The following RGS6 variants were observed in gnomAD, a reference collection of about 807,000 sequenced individuals.
RGS6 encodes the protein regulator of G-protein signaling 6.
In RGS6, 30 loss-of-function variants were observed where a neutral mutation model predicts 78.5. The observed-to-expected ratio is 0.38, with a 90% confidence interval of 0.29 to 0.52. RGS6 has a LOEUF of 0.52. RGS6 is among the 20% of genes least tolerant of loss of function. RGS6 has a pLI of 0.85. For missense variants in RGS6, 495 were observed against 609.7 expected (o/e 0.81, Z 1.98); for synonymous variants, 206 against 206.0 (o/e 1.00, Z 0.00).
In RGS6 at chr14:72,470,645, A is replaced by AGGG. The variant is rs112868757; in HGVS notation, c.536+564_536+565insGGG. Among the ~76,000 whole-genome samples the AGGG allele has an allele frequency of 2.6e-5, 4 of 151,762 alleles. No individual in the cohort carries two copies. The South Asian group carries it at 6.2e-4, about 24-fold the overall frequency. Reference sequence around the variant, plus strand: ...GTAATCCCAGCACTTTGTGAGACCGAGGTGGGGGTGGATCACCTGAGGTCA... The same window carrying AGGG: ...GTAATCCCAGCACTTTGTGAGACCGAGGGGGTGGGGGTGGATCACCTGAGGTCA... On this transcript the variant is annotated intron_variant, in intron 8 of 17. Transcript: ENST00000553525.
chr14:72,439,969 G>A (rs1287888459), intron 3 of RGS6, among the ~76,000 whole-genome samples: 1 of 152,156 alleles, frequency 6.6e-6, no homozygotes, highest in Non-Finnish European at 1.5e-5. Flanking sequence ...CTAGCCGCAG[G>A]CTGCTCCACA....
rs533806963 is a variant in RGS6 at position 72,236,797 on chromosome 14, G to A, written c.85-115298G>A. Among the ~76,000 whole-genome samples, 470 of 152,152 alleles carry A rather than the reference G, an allele frequency of 3.1e-3. 1 individual carries two copies. Among genetic ancestry groups the A allele is most frequent in the African/African-American group, 0.011 (452 of 41,520 alleles). ...GCACTCCTCACTTCCCAGATGGCAG[G>A]GGGCGCTGAGCAGAGGTGCTCCTAA... On this transcript the variant is annotated intron_variant, in intron 2 of 17. Transcript: ENST00000553525.
intron 3 of RGS6, among the ~76,000 whole-genome samples, chr14:72,405,661 C>G (rs554386533): frequency 6.6e-6 from 1 of 152,158 alleles, no homozygotes; most frequent in African/African-American, 2.4e-5. Flanking sequence ...GCCTGTAACC[C>G]ATGTGGCCTT....
chr14:72,178,003 A>G (rs1230229863), intron 2 of RGS6, among the ~76,000 whole-genome samples: 1 of 152,082 alleles, frequency 6.6e-6, no homozygotes, highest in Non-Finnish European at 1.5e-5. Context: ...TCCCTACCAG[A>G]CAACCTTCTC....
At chr14:72,130,567 G>C (rs2096293019) in intron 2 of RGS6, among the ~76,000 whole-genome samples, 1 of 152,160 alleles carries the variant, frequency 6.6e-6, no homozygotes, top group South Asian at 2.1e-4. Flanking sequence ...CTGTCACTCA[G>C]GAATTTCAAA....
At chr14:71,982,400 T>C (rs1254049879) in intron 2 of RGS6, among the ~76,000 whole-genome samples, 1 of 152,222 alleles carries the variant, frequency 6.6e-6, no homozygotes, top group Non-Finnish European at 1.5e-5. Flanking sequence ...GTTACGTTAC[T>C]TCTGAGAGAA....
At chr14:71,904,954 G>T in the RGS6 span, among the ~76,000 whole-genome samples, 2 of 151,534 alleles carry the variant, frequency 1.3e-5, no homozygotes, top group African/African-American at 4.9e-5. Flanking sequence ...AGGCAACTTT[G>T]AAATCACATG....
chr14:72,029,203 C>A (rs1596316517), intron 2 of RGS6, among the ~76,000 whole-genome samples: 2 of 152,206 alleles, frequency 1.3e-5, no homozygotes, highest in Non-Finnish European at 2.9e-5. Context: ...ATGTTGGAGC[C>A]CCGTAGTATA....
intron 2 of RGS6, among the ~76,000 whole-genome samples, chr14:72,342,340 C>A (rs543709993): frequency 1.3e-5 from 2 of 151,926 alleles, no homozygotes; most frequent in African/African-American, 2.4e-5. Context: ...CCAAGGCAGG[C>A]AGATCACTTG....
At chr14:72,556,842 C>T (rs1160473939) in intron 17 of RGS6, among the ~76,000 whole-genome samples, 1 of 151,760 alleles carries the variant, frequency 6.6e-6, no homozygotes, top group Non-Finnish European at 1.5e-5. Flanking sequence ...GATTAATTCA[C>T]TTTTCATCTA....
At chr14:72,276,089 C>T (rs946370597) in intron 2 of RGS6, among the ~76,000 whole-genome samples, 14 of 152,154 alleles carry the variant, frequency 9.2e-5, no homozygotes, top group African/African-American at 3.1e-4. Context: ...ACATGTCTGC[C>T]CATAAATAAA....
chr14:72,595,306 A>T, the RGS6 span, among the ~76,000 whole-genome samples: 101 of 152,226 alleles, frequency 6.6e-4, 2 homozygotes, highest in Non-Finnish European at 5.9e-5. Flanking sequence ...TTTTCTATCT[A>T]TATTAAGCAA....
At chr14:72,586,424 A>AC in the RGS6 span, among the ~76,000 whole-genome samples, 2 of 151,884 alleles carry the variant, frequency 1.3e-5, no homozygotes. Flanking sequence ...TTCCCCTTCC[A>AC]CCATGGGTGG....
chr14:72,160,011 G>A (rs1052800463), intron 2 of RGS6, among the ~76,000 whole-genome samples: 2 of 152,154 alleles, frequency 1.3e-5, no homozygotes, highest in African/African-American at 2.4e-5. Flanking sequence ...CTTTACACCT[G>A]TGTCTTTTAC....
At chr14:72,104,831 C>T (rs1353992560) in intron 2 of RGS6, among the ~76,000 whole-genome samples, 1 of 152,152 alleles carries the variant, frequency 6.6e-6, no homozygotes, top group Non-Finnish European at 1.5e-5. Context: ...TACAGAGGGG[C>T]AGGGGTAGGG....
the RGS6 span, among the ~76,000 whole-genome samples, chr14:71,877,390 T>C: frequency 2.4e-4 from 37 of 152,356 alleles, no homozygotes; most frequent in African/African-American, 8.7e-4. Flanking sequence ...ACTCTTCTTT[T>C]CTCTAAACTT....
intron 2 of RGS6, among the ~76,000 whole-genome samples, chr14:72,020,905 A>G (rs2088285472): frequency 1.3e-5 from 2 of 152,208 alleles, no homozygotes; most frequent in Admixed American, 1.3e-4. Flanking sequence ...GAGTCCGAGT[A>G]GAGAGTGACT....
chr14:72,351,713 G>C (rs1000948485), intron 2 of RGS6, among the ~76,000 whole-genome samples: 4 of 152,084 alleles, frequency 2.6e-5, no homozygotes, highest in African/African-American at 9.7e-5. Context: ...GGAAGGGGTG[G>C]GGGTTGAATA....
chr14:72,027,670 T>A (rs953637686), intron 2 of RGS6, among the ~76,000 whole-genome samples: 6 of 152,084 alleles, frequency 3.9e-5, no homozygotes, highest in Admixed American at 2.6e-4. Flanking sequence ...AGGGTCAGAG[T>A]AGAGTCTCAA....
Sources: allele counts gnomAD v4.1 joint callset (sites outside exome capture counted in the v4.1 genomes callset), GRCh38; gene constraint gnomAD v4.1.1; transcripts MANE v1.5; gene names NCBI Gene and HGNC (gene_info 2026-07-23, HGNC 2026-07-21).